The following ADGRL3 variants were observed in gnomAD, a reference collection of about 807,000 sequenced individuals.
The protein encoded by ADGRL3 is adhesion G protein-coupled receptor L3, also known as calcium-independent alpha-latrotoxin receptor 3.
ADGRL3 carries 62 observed loss-of-function variants against 153.5 expected under a neutral mutation model. The ratio of observed to expected loss-of-function variants is 0.40; its 90% CI spans 0.33 to 0.50. The LOEUF is 0.50. ADGRL3 is among the 20% of genes least tolerant of loss of function. The probability of loss-of-function intolerance (pLI) is 0.47; values close to 1 mark genes in which losing one functional copy is unlikely to be tolerated. For missense variants in ADGRL3, 1,641 were observed against 1,859.4 expected (o/e 0.88, Z 2.16); for synonymous variants, 710 against 672.5 (o/e 1.06, Z -0.86).
intron 5 of ADGRL3, among the ~76,000 whole-genome samples, chr4:61,674,148 AG>A (rs1181530896): frequency 0.1 from 939 of 9,410 alleles, 10 homozygotes; most frequent in African/African-American, 0.27. Flanking sequence ...ATGCATTTTT[AG>A]ATAGATAGAT....
chr4:61,687,706 A>G (rs1330843688), intron 6 of ADGRL3, among the ~76,000 whole-genome samples: 1 of 151,984 alleles, frequency 6.6e-6, no homozygotes, highest in Non-Finnish European at 1.5e-5. Flanking sequence ...TAAGGCAGCA[A>G]AAATACTGAA....
chr4:62,068,322 A>G (rs1275979881), intron 26 of ADGRL3, 139 bp downstream of exon 26: 2 of 587,134 alleles, frequency 3.4e-6, no homozygotes, highest in Non-Finnish European at 5.5e-6. Context: ...GAATCGACTT[A>G]TATAAATATA....
At chr4:61,753,948 G>C (rs1057403717) in intron 8 of ADGRL3, among the ~76,000 whole-genome samples, 31 of 152,144 alleles carry the variant, frequency 2.0e-4, no homozygotes, top group African/African-American at 7.5e-4. Flanking sequence ...ATCAGTCTTT[G>C]CCTGTGGCAC....
intron 13 of ADGRL3, among the ~76,000 whole-genome samples, chr4:61,924,247 C>T (rs1408127146): frequency 6.6e-6 from 1 of 152,192 alleles, no homozygotes; most frequent in Admixed American, 6.5e-5. Context: ...TGATTTTTCT[C>T]CTACCTAATT....
intron 13 of ADGRL3, among the ~76,000 whole-genome samples, chr4:61,930,714 TG>T (rs1402733919): frequency 6.6e-6 from 1 of 152,074 alleles, no homozygotes; most frequent in Non-Finnish European, 1.5e-5. Context: ...TCCATAATCT[TG>T]GTGTGAATCA....
intron 2 of ADGRL3, among the ~76,000 whole-genome samples, chr4:61,421,365 G>T (rs1279373574): frequency 1.3e-5 from 2 of 151,838 alleles, no homozygotes; most frequent in African/African-American, 2.4e-5. Flanking sequence ...AAAAAAACTG[G>T]CAAATGTCAT....
intron 18 of ADGRL3, among the ~76,000 whole-genome samples, chr4:61,982,836 AG>A (rs1197323413): frequency 6.6e-6 from 1 of 152,178 alleles, no homozygotes; most frequent in Non-Finnish European, 1.5e-5. Context: ...TTTTGAAACA[AG>A]GCAGGGTAGA....
chr4:62,037,666 T>C, intron 23 of ADGRL3, 65 bp from the exon 24 acceptor site: 1 of 1,546,342 alleles, frequency 6.5e-7, no homozygotes, highest in Non-Finnish European at 8.9e-7. Context: ...TCACATACAT[T>C]GTCTACTTTT....
intron 1 of ADGRL3, among the ~76,000 whole-genome samples, chr4:61,341,012 G>T (rs989971351): frequency 2.6e-5 from 4 of 151,866 alleles, no homozygotes; most frequent in East Asian, 1.9e-4. Context: ...TAAACTAAGA[G>T]AATGTATCAG....
At chr4:61,315,683 A>G (rs2095183077) in intron 1 of ADGRL3, among the ~76,000 whole-genome samples, 1 of 152,106 alleles carries the variant, frequency 6.6e-6, no homozygotes, top group East Asian at 1.9e-4. Flanking sequence ...GAGTGTAGAG[A>G]CATAAAAGTA....
At chr4:61,333,671 C>A (rs2151005191) in intron 1 of ADGRL3, among the ~76,000 whole-genome samples, 1 of 152,188 alleles carries the variant, frequency 6.6e-6, no homozygotes, top group East Asian at 1.9e-4. Flanking sequence ...CGGCTTACTG[C>A]ATGCAGCCTT....
intron 9 of ADGRL3, among the ~76,000 whole-genome samples, chr4:61,853,627 G>A (rs2098232607): frequency 6.6e-6 from 1 of 152,192 alleles, no homozygotes; most frequent in Non-Finnish European, 1.5e-5. Context: ...CACTAAAGAA[G>A]CCTGCTTGTG....
At chr4:61,809,722 C>G (rs1181462056) in intron 8 of ADGRL3, among the ~76,000 whole-genome samples, 1 of 151,708 alleles carries the variant, frequency 6.6e-6, no homozygotes, top group Non-Finnish European at 1.5e-5. Context: ...AGAATATGGA[C>G]TCTCATTTAT....
chr4:61,976,388 C>A (rs2099048145), intron 17 of ADGRL3, among the ~76,000 whole-genome samples: 1 of 152,122 alleles, frequency 6.6e-6, no homozygotes, highest in Non-Finnish European at 1.5e-5. Context: ...CAAGGCTTTT[C>A]ATATTTACAT....
At chr4:61,259,714 T>C (rs960927718) in intron 1 of ADGRL3, among the ~76,000 whole-genome samples, 5 of 152,150 alleles carry the variant, frequency 3.3e-5, no homozygotes, top group Non-Finnish European at 5.9e-5. Context: ...GTTTATTTTT[T>C]ACATCTTTTT....
At chr4:61,373,460 C>CAA (rs2096565361) in intron 1 of ADGRL3, among the ~76,000 whole-genome samples, 1 of 152,054 alleles carries the variant, frequency 6.6e-6, no homozygotes, top group African/African-American at 2.4e-5. Context: ...ATTTAACTTT[C>CAA]ATTGTTAAGG....
chr4:61,672,512 C>T (rs1277141099), intron 5 of ADGRL3, among the ~76,000 whole-genome samples: 1 of 152,040 alleles, frequency 6.6e-6, no homozygotes, highest in Non-Finnish European at 1.5e-5. Context: ...AGTCTATCAA[C>T]AATGAAACAT....
intron 9 of ADGRL3, among the ~76,000 whole-genome samples, chr4:61,850,618 A>G (rs1360582806): frequency 1.3e-5 from 2 of 152,182 alleles, no homozygotes; most frequent in African/African-American, 4.8e-5. Context: ...CGACAGCATA[A>G]AAACATTATT....
intron 2 of ADGRL3, among the ~76,000 whole-genome samples, 179 bp from the exon 3 acceptor site, chr4:61,496,942 A>G (rs1305166684): frequency 3.7e-4 from 1 of 2,676 alleles, no homozygotes; most frequent in African/African-American, 3.9e-4. Flanking sequence ...CTCCATCTTA[A>G]AAAAAAAAAA....
Sources: allele counts gnomAD v4.1 joint callset (sites outside exome capture counted in the v4.1 genomes callset), GRCh38; gene constraint gnomAD v4.1.1; transcripts MANE v1.5; gene names NCBI Gene and HGNC (gene_info 2026-07-23, HGNC 2026-07-21).